SLC8A3: variants seen among roughly 807,000 people sequenced by gnomAD.
The protein encoded by SLC8A3 is sodium/calcium exchanger 3.
In SLC8A3, 37 loss-of-function variants were observed where a neutral mutation model predicts 65.4. The observed-to-expected ratio is 0.57, with a 90% CI of 0.44 to 0.74. The LOEUF (loss-of-function observed/expected upper bound fraction) is 0.74, where lower values mean the gene tolerates loss of function less well. SLC8A3 is among the 30% of genes least tolerant of loss of function. SLC8A3 has a pLI of 0.00. For missense variants in SLC8A3, 1,112 were observed against 1,172.1 expected (o/e 0.95, Z 0.75); for synonymous variants, 461 against 444.5 (o/e 1.04, Z -0.47).
chr14:70,126,547 TTCTC>T (rs36183214), intron 2 of SLC8A3, among the ~76,000 whole-genome samples: 4,641 of 118,054 alleles, frequency 0.039, 118 homozygotes, highest in Non-Finnish European at 0.057. Flanking sequence ...AGAAAGAAAA[TTCTC>T]TCTCTCTCTC....
At chr14:70,075,300 T>G (rs2093763588) in intron 2 of SLC8A3, among the ~76,000 whole-genome samples, 1 of 152,154 alleles carries the variant, frequency 6.6e-6, no homozygotes, top group South Asian at 2.1e-4. Flanking sequence ...CACTGGCCCT[T>G]CCTTTTCTCT....
chr14:70,118,401 A>G (rs192325054), intron 2 of SLC8A3, among the ~76,000 whole-genome samples: 1 of 152,292 alleles, frequency 6.6e-6, no homozygotes, highest in African/African-American at 2.4e-5. Context: ...CACCAGAGGA[A>G]CCTACCCAAA....
At chr14:70,129,122 A>G (rs1012426709) in intron 2 of SLC8A3, among the ~76,000 whole-genome samples, 1 of 152,206 alleles carries the variant, frequency 6.6e-6, no homozygotes, top group African/African-American at 2.4e-5. Flanking sequence ...ATTCCCCTCT[A>G]TACCCAAGCC....
intron 3 of SLC8A3, among the ~76,000 whole-genome samples, chr14:70,053,084 T>C (rs1887682570): frequency 6.6e-6 from 1 of 152,216 alleles, no homozygotes; most frequent in Non-Finnish European, 1.5e-5. Flanking sequence ...TTGGACTGCA[T>C]GAAGATGGTA....
chr14:70,060,521 T>C (rs542478853), intron 3 of SLC8A3: 1 of 461,360 alleles, frequency 2.2e-6, no homozygotes, highest in East Asian at 5.9e-5. Context: ...TAATTGAAAA[T>C]TGTAGCAAAA....
chr14:70,174,554 G>C (rs919859637), intron 1 of SLC8A3, among the ~76,000 whole-genome samples: 1 of 150,432 alleles, frequency 6.6e-6, no homozygotes, highest in South Asian at 2.1e-4. Context: ...GAGGATAAGA[G>C]AATAAGCTAG....
chr14:70,107,853 C>G (rs1892981912), intron 2 of SLC8A3, among the ~76,000 whole-genome samples: 1 of 152,014 alleles, frequency 6.6e-6, no homozygotes, highest in African/African-American at 2.4e-5. Context: ...AGATAATTTC[C>G]CTTGTCCTTC....
chr14:70,168,528 G>A, intron 1 of SLC8A3, 44 bp from the exon 2 acceptor site: 1 of 875,596 alleles, frequency 1.1e-6, no homozygotes, highest in Non-Finnish European at 1.7e-6. Flanking sequence ...AGGAAAAAGG[G>A]GACAGCAAAC....
intron 2 of SLC8A3, among the ~76,000 whole-genome samples, chr14:70,098,964 C>G (rs1892381302): frequency 6.6e-6 from 1 of 152,142 alleles, no homozygotes; most frequent in African/African-American, 2.4e-5. Context: ...GTTCTCCGGG[C>G]TGCTAGAGGT....
At chr14:70,171,629 C>T (rs921608194) in intron 1 of SLC8A3, among the ~76,000 whole-genome samples, 4 of 152,044 alleles carry the variant, frequency 2.6e-5, no homozygotes, top group Non-Finnish European at 2.9e-5. Context: ...GGCAAAACCC[C>T]ATCTCTACTA....
At chr14:70,113,637 C>G (rs1018257889) in intron 2 of SLC8A3, among the ~76,000 whole-genome samples, 1 of 152,110 alleles carries the variant, frequency 6.6e-6, no homozygotes, top group South Asian at 2.1e-4. Context: ...ATGTTGATCC[C>G]TTAACACAGA....
intron 2 of SLC8A3, among the ~76,000 whole-genome samples, chr14:70,148,579 C>G (rs904812744): frequency 3.9e-5 from 6 of 152,140 alleles, no homozygotes; most frequent in African/African-American, 1.4e-4. Flanking sequence ...CCTTTTATCT[C>G]CTTCTGCTCA....
chr14:70,083,471 G>A (rs1210038130), intron 2 of SLC8A3, among the ~76,000 whole-genome samples: 1 of 152,196 alleles, frequency 6.6e-6, no homozygotes, highest in African/African-American at 2.4e-5. Flanking sequence ...AGTTTTGGAG[G>A]AAGAAGAGAA....
At position 70,168,258 on chromosome 14, in the gene SLC8A3, C is replaced by T; in HGVS notation, c.165G>A (p.Lys55=). The T allele has an allele frequency of 6.2e-7, 1 of 1,614,170 alleles. No individual in the cohort carries two copies. The highest frequency in any genetic ancestry group is 8.5e-7 in the Non-Finnish European group (1 of 1,180,018). The change falls in exon 2 of 7, where the codon AAG becomes AAA. Residue 55 remains lysine (K), a synonymous_variant. Coordinates refer to ENST00000356921, the MANE Select transcript of SLC8A3 (RefSeq NM_182932.3). ...ACCAGATTGGCAGGATGACACCCTC[C>T]TTGCAGTCCGATGACCCTGAACAGG... ...NESCSGSSDC[K]EGVILPIWYP...
At chr14:70,181,577 A>C (rs1450006298) in intron 1 of SLC8A3, among the ~76,000 whole-genome samples, 1 of 152,188 alleles carries the variant, frequency 6.6e-6, no homozygotes, top group Non-Finnish European at 1.5e-5. Flanking sequence ...AAGCCTTCCC[A>C]TCAGGCAGAG....
At chr14:70,067,182 G>T (rs1889520699) in intron 2 of SLC8A3, among the ~76,000 whole-genome samples, 1 of 152,118 alleles carries the variant, frequency 6.6e-6, no homozygotes, top group Non-Finnish European at 1.5e-5. Context: ...CTCTGCCTGG[G>T]ACGCTCTTCA....
chr14:70,165,866 C>T (rs867155943), intron 2 of SLC8A3, among the ~76,000 whole-genome samples: 1 of 152,144 alleles, frequency 6.6e-6, no homozygotes. Context: ...ATATTTCCTC[C>T]CACAATTCCT....
intron 2 of SLC8A3, among the ~76,000 whole-genome samples, chr14:70,079,330 CAAAAAAAA>C (rs11464342): frequency 0.097 from 7,885 of 81,042 alleles, 231 homozygotes; most frequent in African/African-American, 0.11. Flanking sequence ...CTAAAAAATA[CAAAAAAAA>C]AAAAAAAAAA....
At chr14:70,168,627 T>C in intron 1 of SLC8A3, 143 bp from the exon 2 acceptor site, 1 of 569,486 alleles carries the variant, frequency 1.8e-6, no homozygotes, top group South Asian at 2.3e-5. Context: ...GAAAAATAGA[T>C]GTCAATGGGA....
Sources: allele counts gnomAD v4.1 joint callset (sites outside exome capture counted in the v4.1 genomes callset), GRCh38; gene constraint gnomAD v4.1.1; transcripts MANE v1.5; gene names NCBI Gene and HGNC (gene_info 2026-07-23, HGNC 2026-07-21).